Variants in PLCB4 observed in about 807,000 individuals in gnomAD.
PLCB4 encodes the protein 1-phosphatidylinositol 4,5-bisphosphate phosphodiesterase beta-4.
Under a neutral mutation model 178.8 loss-of-function variants are expected in PLCB4, and 77 were observed. The ratio of observed to expected loss-of-function variants is 0.43; its 90% CI spans 0.36 to 0.52. The LOEUF is 0.52. PLCB4 is among the 20% of genes least tolerant of loss of function. The probability of loss-of-function intolerance (pLI) is 0.00; values close to 1 mark genes in which losing one functional copy is unlikely to be tolerated. For missense variants in PLCB4, 1,024 were observed against 1,453.4 expected (o/e 0.70, Z 4.80); for synonymous variants, 496 against 490.8 (o/e 1.01, Z -0.14).
intron 2 of PLCB4, among the ~76,000 whole-genome samples, chr20:9,215,382 G>C (rs1055457176): frequency 6.6e-6 from 1 of 152,168 alleles, no homozygotes; most frequent in Admixed American, 6.5e-5. Context: ...TTGAATGCCA[G>C]TTTTGTGGGA....
At chr20:9,257,759 T>C (rs1057246171) in intron 3 of PLCB4, among the ~76,000 whole-genome samples, 1 of 152,146 alleles carries the variant, frequency 6.6e-6, no homozygotes, top group Non-Finnish European at 1.5e-5. Context: ...TTGGGAAAAG[T>C]AGATAACTAA....
chr20:9,395,469 G>A (rs1236043416), intron 18 of PLCB4, 54 bp from the exon 19 acceptor site: 15 of 1,220,256 alleles, frequency 1.2e-5, no homozygotes, highest in Non-Finnish European at 1.7e-5. Context: ...AAGGCCTAGG[G>A]TTTGTATGTT....
chr20:9,302,436 A>G (rs988037223), intron 3 of PLCB4, among the ~76,000 whole-genome samples: 5 of 152,060 alleles, frequency 3.3e-5, no homozygotes, highest in Admixed American at 6.6e-5. Flanking sequence ...ATGTGTGTAA[A>G]ATAACCCAGC....
At chr20:9,331,248 A>G (rs1402738576) in intron 4 of PLCB4, among the ~76,000 whole-genome samples, 3 of 152,178 alleles carry the variant, frequency 2.0e-5, no homozygotes, top group South Asian at 2.1e-4. Context: ...ACATTTCTCT[A>G]CGTCCTAATG....
intron 1 of PLCB4, among the ~76,000 whole-genome samples, chr20:9,087,429 A>AT (rs1555814628): frequency 9.8e-4 from 149 of 151,572 alleles, no homozygotes; most frequent in South Asian, 8.9e-3. Context: ...ACTTTGAATG[A>AT]TTTTTTTTGG....
rs553077274 is a variant in PLCB4 at position 9,240,035 on chromosome 20, T to C, written c.-16+22583T>C. Among the ~76,000 whole-genome samples the C allele has an allele frequency of 4.6e-5, 7 of 152,264 alleles. No homozygotes were observed. In the East Asian group the frequency reaches 1.4e-3, roughly 29 times the overall value. On this transcript the variant is annotated intron_variant, in intron 3 of 39. Coordinates refer to ENST00000378473, the MANE Select transcript of PLCB4 (RefSeq NM_001377142.1). The stretch of plus-strand genomic sequence containing the variant: ...TGCCCAGATTGAGGGTGGGTCTGCC[T>C]CTCCCAGTCCACTGACTCAAATGTT...
At chr20:9,455,683 A>G (rs1041433570) in intron 33 of PLCB4, among the ~76,000 whole-genome samples, 3 of 152,196 alleles carry the variant, frequency 2.0e-5, no homozygotes, top group African/African-American at 7.2e-5. Context: ...TGTCAAACGC[A>G]GCACTCCTAG....
At chr20:9,471,188 AT>A (rs2122644118) in intron 36 of PLCB4, among the ~76,000 whole-genome samples, 1 of 152,352 alleles carries the variant, frequency 6.6e-6, no homozygotes, top group East Asian at 1.9e-4. Flanking sequence ...CTAGATGCAT[AT>A]ATTTTTTAAA....
intron 22 of PLCB4, among the ~76,000 whole-genome samples, chr20:9,408,299 T>C (rs1048110863): frequency 3.3e-5 from 5 of 152,214 alleles, no homozygotes; most frequent in African/African-American, 1.2e-4. Context: ...GCTGGGCATG[T>C]AGCTTCTTCT....
intron 3 of PLCB4, among the ~76,000 whole-genome samples, chr20:9,251,747 A>C (rs2094183219): frequency 1.3e-5 from 2 of 152,174 alleles, no homozygotes; most frequent in South Asian, 4.1e-4. Flanking sequence ...TAAAGACCTC[A>C]ATTCCCTTTG....
intron 34 of PLCB4, 35 bp downstream of exon 34, chr20:9,457,524 CAG>C: frequency 1.0e-6 from 1 of 976,588 alleles, no homozygotes; most frequent in Non-Finnish European, 1.7e-6. Flanking sequence ...CAGTGACTTG[CAG>C]AAGACACTTT....
chr20:9,076,106 G>A (rs967576526), intron 1 of PLCB4, among the ~76,000 whole-genome samples: 10 of 152,008 alleles, frequency 6.6e-5, no homozygotes, highest in African/African-American at 2.4e-4. Flanking sequence ...CCAAGCTGTT[G>A]GCAAATACAC....
intron 3 of PLCB4, among the ~76,000 whole-genome samples, chr20:9,243,605 CCTT>C (rs2147431327): frequency 6.6e-6 from 1 of 152,282 alleles, no homozygotes; most frequent in Non-Finnish European, 1.5e-5. Flanking sequence ...TTTTTTGCAT[CCTT>C]CTTTTTTGAA....
In PLCB4 at chr20:9,459,765, A is replaced by C; in HGVS notation, c.3203A>C (p.Asn1068Thr). Residue 1068 changes from asparagine to threonine, a missense_variant, in exon 35 of 40, where the codon AAT becomes ACT. By Grantham distance (65) the Asn-to-Thr change is moderately conservative. This residue lies in a region of PLCB4 where 264 missense variants were observed against 283.2 expected (regional missense o/e 0.93). Coordinates refer to ENST00000378473, the MANE Select transcript of PLCB4 (RefSeq NM_001377142.1). ...GAGCTGCTGAAAAAGCTACTCATCA[A>C]TGCCCACGAGCAGCAAACCCAGCAG... ...QCELLKKLLI[N>T]AHEQQTQQLK... The C allele has an allele frequency of 6.2e-7, 1 of 1,613,242 alleles. No individual in the cohort carries two copies. Among genetic ancestry groups the C allele is most frequent in the South Asian group, 1.1e-5 (1 of 91,026 alleles).
intron 1 of PLCB4, among the ~76,000 whole-genome samples, chr20:9,086,416 C>T (rs1253805327): frequency 3.9e-5 from 6 of 151,930 alleles, no homozygotes; most frequent in African/African-American, 1.5e-4. Context: ...ATTGTGGGGT[C>T]CTGGCTTTGC....
rs1218132802 is a variant in PLCB4, at chr20:9,255,942, A to G, written c.-16+38490A>G. Among the ~76,000 whole-genome samples the G allele has an allele frequency of 3.9e-5, 6 of 152,248 alleles. 1 individual carries two copies. The highest frequency in any genetic ancestry group is 2.9e-5 in the Non-Finnish European group (2 of 68,012). ...GGACTATTGCATAACATATATATAT[A>G]TATACACACACCATATTACCTTTCT... is the stretch of plus-strand genomic sequence containing the variant. On this transcript the variant is annotated intron_variant, in intron 3 of 39. Transcript: ENST00000378473.
intron 2 of PLCB4, among the ~76,000 whole-genome samples, chr20:9,098,941 A>G (rs1271094386): frequency 6.6e-6 from 1 of 151,210 alleles, no homozygotes; most frequent in African/African-American, 2.4e-5. Flanking sequence ...GTATGTATAT[A>G]TACGTATATA....
intron 3 of PLCB4, among the ~76,000 whole-genome samples, chr20:9,269,561 A>G (rs2094382453): frequency 6.6e-6 from 1 of 152,120 alleles, no homozygotes; most frequent in Non-Finnish European, 1.5e-5. Flanking sequence ...CACTTTGGCT[A>G]TATTTTGCTG....
intron 26 of PLCB4, 96 bp from the exon 27 acceptor site, chr20:9,421,196 GCTCCC>G: frequency 2.4e-6 from 2 of 850,374 alleles, no homozygotes; most frequent in Non-Finnish European, 3.6e-6. Context: ...TGAAATTCCT[GCTCCC>G]ACCCAAAAGA....
Sources: gnomAD v4.1 joint callset for allele counts (sites outside exome capture counted in the v4.1 genomes callset) on GRCh38, gnomAD v4.1.1 for gene constraint, gnomAD v4.1.1 regional missense constraint, MANE v1.5 for transcripts, NCBI Gene and HGNC (gene_info 2026-07-23, HGNC 2026-07-21) for gene names.